Variants in MAPK10 observed in about 807,000 individuals in gnomAD.
MAPK10 encodes the protein mitogen-activated protein kinase 10, also known as JNK3 alpha protein kinase.
Under a neutral mutation model 59.3 loss-of-function variants are expected in MAPK10, and 25 were observed. The ratio of observed to expected loss-of-function variants is 0.42; its 90% CI spans 0.31 to 0.59. The LOEUF (loss-of-function observed/expected upper bound fraction) is 0.59. Among genes scored for constraint, MAPK10 ranks in the 20% least tolerant of loss-of-function variants. The pLI is 0.15. For synonymous variants in MAPK10, 190 were observed against 200.5 expected, an observed-to-expected ratio of 0.95 and a Z score of 0.44; for missense variants, 351 against 568.9, an observed-to-expected ratio of 0.62 and a Z score of 3.90.
At chr4:86,175,057 G>A (rs376119735) in intron 3 of MAPK10, among the ~76,000 whole-genome samples, 12 of 152,034 alleles carry the variant, frequency 7.9e-5, no homozygotes, top group Admixed American at 4.6e-4. Context: ...AAAGACATAC[G>A]AAATCAGAAA....
At chr4:86,542,045 A>C (rs1758745675) in intron 1 of MAPK10, among the ~76,000 whole-genome samples, 1 of 152,010 alleles carries the variant, frequency 6.6e-6, no homozygotes, top group Non-Finnish European at 1.5e-5. Flanking sequence ...CTGGATAATC[A>C]AGTTATAAAA....
intron 9 of MAPK10, among the ~76,000 whole-genome samples, chr4:86,083,424 C>T (rs1442765866): frequency 1.3e-5 from 2 of 152,110 alleles, no homozygotes; most frequent in Non-Finnish European, 2.9e-5. Context: ...TCAGTGCTGC[C>T]CTTGTTATAG....
intron 2 of MAPK10, among the ~76,000 whole-genome samples, chr4:86,217,319 T>G (rs1218569391): frequency 2.6e-5 from 4 of 152,170 alleles, no homozygotes; most frequent in African/African-American, 9.7e-5. Context: ...TATAGAGAAA[T>G]AAGATTTTTT....
rs61627538 is a variant in MAPK10 at position 86,294,613 on chromosome 4, G to T, written c.-7+59917C>A. ...CAGAGCAAAATTGTGTTGTTTGAAA[G>T]AATGAAAACAAATTTTCTTTATACT... is the stretch of plus-strand genomic sequence containing the variant. On this transcript the variant is annotated intron_variant, in intron 2 of 13. Coordinates refer to ENST00000641462, the MANE Select transcript of MAPK10 (RefSeq NM_138982.4). Among the ~76,000 whole-genome samples, 1,120 of 152,100 alleles carry T rather than the reference G, an allele frequency of 7.4e-3. 13 individuals carry two copies. Among genetic ancestry groups the T allele is most frequent in the African/African-American group, 0.025 (1,057 of 41,506 alleles).
intron 1 of MAPK10, among the ~76,000 whole-genome samples, chr4:86,565,064 T>C (rs1205336772): frequency 2.6e-5 from 4 of 152,132 alleles, no homozygotes; most frequent in Non-Finnish European, 5.9e-5. Context: ...TGGGTGCAAA[T>C]GTGGCAGCCA....
chr4:86,134,850 G>A (rs1332934667), intron 4 of MAPK10, among the ~76,000 whole-genome samples: 3 of 152,206 alleles, frequency 2.0e-5, no homozygotes, highest in African/African-American at 7.2e-5. Flanking sequence ...AGCCGAAGCA[G>A]GGCGAGGCAT....
chr4:86,205,490 G>T (rs1183507245), intron 2 of MAPK10, among the ~76,000 whole-genome samples: 5 of 151,708 alleles, frequency 3.3e-5, no homozygotes, highest in Admixed American at 1.3e-4. Flanking sequence ...ATTTGTTGAG[G>T]TTCATAAACT....
rs533750583 is a variant in MAPK10, at chr4:86,110,943, T to C, written c.237-3591A>G. Among the ~76,000 whole-genome samples, 133 of 152,018 alleles carry C rather than the reference T, an allele frequency of 8.7e-4. 1 individual carries two copies. Among genetic ancestry groups the C allele is most frequent in the Non-Finnish European group, 2.2e-4 (15 of 67,822 alleles). On this transcript the variant is annotated intron_variant, in intron 4 of 13. Coordinates refer to ENST00000641462, the MANE Select transcript of MAPK10 (RefSeq NM_138982.4). The stretch of plus-strand genomic sequence containing the variant: ...TAGTTCTCTTTAAAGAAGTCCTTTA[T>C]GTCCCTTGTTAGCTGTATTCCTAGG...
At chr4:86,076,487 C>T (rs974236366) in intron 9 of MAPK10, among the ~76,000 whole-genome samples, 14 of 152,142 alleles carry the variant, frequency 9.2e-5, no homozygotes, top group African/African-American at 3.1e-4. Context: ...CTCCTGTTTC[C>T]ATGTTCAGTG....
At chr4:86,486,395 C>T (rs1753998679) in intron 1 of MAPK10, among the ~76,000 whole-genome samples, 1 of 152,134 alleles carries the variant, frequency 6.6e-6, no homozygotes, top group Non-Finnish European at 1.5e-5. Context: ...AGAAGCAATG[C>T]AAGTAACTTT....
intron 1 of MAPK10, among the ~76,000 whole-genome samples, chr4:86,384,894 A>G (rs1741261089): frequency 6.6e-6 from 1 of 152,166 alleles, no homozygotes; most frequent in Non-Finnish European, 1.5e-5. Context: ...GAGAAAAAGG[A>G]AAAAACAGAT....
chr4:86,083,880 G>A (rs541808299), intron 9 of MAPK10, among the ~76,000 whole-genome samples: 70 of 152,276 alleles, frequency 4.6e-4, no homozygotes, highest in South Asian at 2.1e-3. Flanking sequence ...GTAGGCTAGG[G>A]CACCAGTCAG....
chr4:86,097,470 C>T (rs1422178442), intron 9 of MAPK10, among the ~76,000 whole-genome samples: 1 of 151,718 alleles, frequency 6.6e-6, no homozygotes, highest in African/African-American at 2.4e-5. Context: ...TAGAAGGATT[C>T]CTTAATAAAA....
intron 1 of MAPK10, among the ~76,000 whole-genome samples, chr4:86,408,060 A>AC (rs1744593122): frequency 4.5e-5 from 1 of 22,130 alleles, no homozygotes; most frequent in African/African-American, 1.8e-4. Flanking sequence ...ACAGCCCCCC[A>AC]CCCCCCGACA....
At chr4:86,222,978 T>A (rs1055831621) in intron 2 of MAPK10, among the ~76,000 whole-genome samples, 2 of 152,186 alleles carry the variant, frequency 1.3e-5, no homozygotes, top group African/African-American at 4.8e-5. Flanking sequence ...CCTCATCACC[T>A]TGGTTAAATT....
chr4:86,037,038 A>G (rs897168973), intron 11 of MAPK10, among the ~76,000 whole-genome samples: 3 of 152,220 alleles, frequency 2.0e-5, no homozygotes, highest in Non-Finnish European at 4.4e-5. Context: ...CATTTTCTCT[A>G]TTTTTAGAAA....
At chr4:86,269,921 A>C (rs2094379906) in intron 2 of MAPK10, among the ~76,000 whole-genome samples, 1 of 152,132 alleles carries the variant, frequency 6.6e-6, no homozygotes, top group Non-Finnish European at 1.5e-5. Flanking sequence ...GCAGTGAGCA[A>C]GCATTTTATC....
chr4:86,514,607 C>G (rs1297444641), intron 1 of MAPK10, among the ~76,000 whole-genome samples: 1 of 152,142 alleles, frequency 6.6e-6, no homozygotes, highest in East Asian at 1.9e-4. Flanking sequence ...AATCAATTTT[C>G]TATGTGTACA....
At chr4:86,357,053 C>T (rs888125249) in intron 1 of MAPK10, 1 of 152,164 alleles carries the variant, frequency 6.6e-6, no homozygotes, top group African/African-American at 2.4e-5. Context: ...TTAAAAGAGA[C>T]TGTAAGAGGA....
Sources: gnomAD v4.1 joint callset for allele counts (sites outside exome capture counted in the v4.1 genomes callset) on GRCh38, gnomAD v4.1.1 for gene constraint, MANE v1.5 for transcripts, NCBI Gene and HGNC (gene_info 2026-07-23, HGNC 2026-07-21) for gene names.